The following CACNA1H variants were observed in gnomAD, a reference collection of about 807,000 sequenced individuals.
CACNA1H encodes the protein voltage-dependent T-type calcium channel subunit alpha-1H.
Under a neutral mutation model 192.5 loss-of-function variants are expected in CACNA1H, and 149 were observed. The ratio of observed to expected loss-of-function variants is 0.77; its 90% CI spans 0.68 to 0.89. CACNA1H has a LOEUF of 0.89. Ranked by LOEUF, CACNA1H falls within the 40% of genes least tolerant of loss-of-function variation. The pLI is 0.00. For synonymous variants in CACNA1H, 2,202 were observed against 1,475.2 expected (o/e 1.49, Z -11.29); for missense variants, 4,257 against 3,423.5 (o/e 1.24, Z -6.08).
intron 2 of CACNA1H, among the ~76,000 whole-genome samples, chr16:1,154,907 C>T (rs1314533866): frequency 1.3e-5 from 2 of 152,148 alleles, no homozygotes; most frequent in Admixed American, 6.5e-5. Flanking sequence ...TGCGTGGTGC[C>T]TGTGTCAGGG....
chr16:1,207,940 T>A lies in CACNA1H; in HGVS notation c.3155-73T>A, dbSNP rs2738896. 6.5e-6 allele frequency: 10 copies of A among 1,542,314 alleles called. No homozygotes were observed. The East Asian group carries it at 1.9e-4, about 30-fold the overall frequency. Reference sequence around the variant, plus strand: ...GCCGGGCAGGGCCCCCATAAGGCAATCCCTAGGTTGGGGGATTCCTGGTCC... The same window carrying A: ...GCCGGGCAGGGCCCCCATAAGGCAAACCCTAGGTTGGGGGATTCCTGGTCC... On this transcript the variant is annotated intron_variant, in intron 15 of 34. Coordinates refer to ENST00000348261, the MANE Select transcript of CACNA1H (RefSeq NM_021098.3).
chr16:1,215,674 C>T, intron 30 of CACNA1H, 81 bp downstream of exon 30: 3 of 1,122,096 alleles, frequency 2.7e-6, no homozygotes, highest in East Asian at 2.5e-5. Flanking sequence ...CCCCTCTCCC[C>T]CTCACTCGTT....
intron 2 of CACNA1H, among the ~76,000 whole-genome samples, chr16:1,158,994 T>A (rs1010514794): frequency 3.9e-5 from 6 of 152,184 alleles, no homozygotes; most frequent in Non-Finnish European, 8.8e-5. Context: ...GGATCCTTCA[T>A]CGCTGGGATC....
chr16:1,202,231 C>T lies in CACNA1H; in HGVS notation c.1781C>T (p.Ala594Val), dbSNP rs1290847155. The change falls in exon 9 of 35, where the codon GCC becomes GTC. Residue 594 changes from alanine (A) to valine (V), a missense_variant. Ala to Val is a moderately conservative substitution (Grantham distance 64, BLOSUM62 0). Transcript: ENST00000348261. ...CAGGAGAGGGCCCGGGTGGCACATG[C>T]CGCAGCCACTGCCGCTGCCAGCCTC... Reference protein sequence around the residue: ...GPQERARVAHAAATAAASLRL... With the variant: ...GPQERARVAHVAATAAASLRL... The T allele has an allele frequency of 3.2e-6, 5 of 1,557,062 alleles. No homozygotes were observed. Among genetic ancestry groups the T allele is most frequent in the Admixed American group, 1.9e-5 (1 of 51,830 alleles).
At chr16:1,199,864 C>T (rs984872560) in intron 6 of CACNA1H, among the ~76,000 whole-genome samples, 1 of 152,112 alleles carries the variant, frequency 6.6e-6, no homozygotes, top group Non-Finnish European at 1.5e-5. Context: ...TGCCCCTCAT[C>T]CGCTTCCAGG....
rs567978624 is a variant in CACNA1H at position 1,217,977 on chromosome 16, C to T, written c.5382C>T (p.Phe1794=). 1.4e-5 allele frequency: 23 copies of T among 1,605,128 alleles called. No individual in the cohort carries two copies. Among genetic ancestry groups the T allele is most frequent in the African/African-American group, 1.2e-4 (9 of 74,890 alleles). The part of the protein sequence containing the change: ...GLSRHATFSN[F]GMAFLTLFRV... ...GCAGGCACGCCACCTTCAGCAACTT[C>T]GGCATGGCCTTCCTCACGCTGTTCC... Residue 1794 remains phenylalanine (F), a synonymous_variant, in exon 32 of 35, where the codon TTC becomes TTT. Transcript: ENST00000348261.
At chr16:1,190,762 G>T (rs1442222476) in intron 2 of CACNA1H, among the ~76,000 whole-genome samples, 1 of 141,748 alleles carries the variant, frequency 7.1e-6, no homozygotes, top group African/African-American at 2.9e-5. Flanking sequence ...ATTTTGGGTG[G>T]GTGCTGGGGG....
Position 1,218,402 on chromosome 16 carries a change from A to G in CACNA1H, c.5638A>G (p.Ile1880Val), listed in dbSNP as rs369689966. The change falls in exon 33 of 35, where the codon ATC becomes GTC. Residue 1880 changes from isoleucine (I) to valine (V), a missense_variant. Coordinates refer to ENST00000348261, the MANE Select transcript of CACNA1H (RefSeq NM_021098.3). ...GGAGGATGCGGAGCTGGACGCCGAG[A>G]TCGAGCTGGAGATGGCGCAGGGCCC... ...AREDAELDAE[I>V]ELEMAQGPGS... 1.3e-6 allele frequency: 2 copies of G among 1,557,142 alleles called. No homozygotes were observed. Among genetic ancestry groups the G allele is most frequent in the African/African-American group, 1.4e-5 (1 of 73,404 alleles).
At position 1,220,759 on chromosome 16, in the gene CACNA1H, C is replaced by T; in HGVS notation, c.6827C>T (p.Pro2276Leu). The stretch of plus-strand genomic sequence containing the variant: ...TTTGAGCCGCTGGACCTCGGGGTCC[C>T]CAGTGGAGACCCTTTCTTGGACGGT... Reference protein sequence around the residue: ...FAFEPLDLGVPSGDPFLDGSH... With the variant: ...FAFEPLDLGVLSGDPFLDGSH... The change falls in exon 35 of 35, where the codon CCC (proline) becomes CTC (leucine). Residue 2276 changes from proline (P) to leucine (L), a missense_variant. Transcript: ENST00000348261. 1 of 1,612,590 alleles carries T rather than the reference C, an allele frequency of 6.2e-7. No individual in the cohort carries two copies. Among genetic ancestry groups the T allele is most frequent in the Non-Finnish European group, 8.5e-7 (1 of 1,179,770 alleles).
intron 30 of CACNA1H, 21 bp from the exon 31 acceptor site, chr16:1,216,911 C>T (rs375603104): frequency 4.2e-5 from 66 of 1,589,036 alleles, no homozygotes; most frequent in Non-Finnish European, 5.6e-5. Context: ...TCTGACCCAG[C>T]TCTGCTTCTC....
In CACNA1H at chr16:1,220,390, A is replaced by T. The variant is rs1970387623; in HGVS notation, c.6458A>T (p.Gln2153Leu). ...FLDKPGRADE[Q>L]WRPSAELGSG... The stretch of plus-strand genomic sequence containing the variant: ...GACAAGCCGGGCCGGGCAGACGAGC[A>T]GTGGCGGCCCTCGGCGGAGCTGGGC... The change falls in exon 35 of 35, where the codon CAG (glutamine) becomes CTG (leucine). Residue 2153 changes from glutamine to leucine, a missense_variant. Coordinates refer to ENST00000348261, the MANE Select transcript of CACNA1H (RefSeq NM_021098.3). 1 of 1,523,910 alleles carries T rather than the reference A, an allele frequency of 6.6e-7. No homozygotes were observed. Among genetic ancestry groups the T allele is most frequent in the East Asian group, 2.3e-5 (1 of 42,564 alleles). 94.4% of individuals were successfully genotyped at this position (1,523,910 alleles called of 1,614,324 possible). A position where few individuals can be genotyped will look rare whatever the true frequency, so the allele number is the denominator to read the frequency against.
At chr16:1,200,179 G>T in intron 6 of CACNA1H, 77 bp from the exon 7 acceptor site, 2 of 1,229,778 alleles carry the variant, frequency 1.6e-6, no homozygotes, top group South Asian at 2.8e-5. Context: ...TCACGTCCCT[G>T]ATCACAATCG....
intron 2 of CACNA1H, among the ~76,000 whole-genome samples, chr16:1,181,564 G>C (rs1012061581): frequency 6.6e-6 from 1 of 152,242 alleles, no homozygotes; most frequent in Non-Finnish European, 1.5e-5. Context: ...CTGGGATCAG[G>C]CACTTTTCCA....
chr16:1,200,200 T>C, intron 6 of CACNA1H, 56 bp from the exon 7 acceptor site: 1 of 1,444,756 alleles, frequency 6.9e-7, no homozygotes, highest in Non-Finnish European at 9.4e-7. Context: ...TGCCCCCGAC[T>C]CTGACCGTCC....
intron 17 of CACNA1H, 81 bp from the exon 18 acceptor site, chr16:1,209,954 G>A: frequency 9.6e-7 from 1 of 1,038,566 alleles, no homozygotes; most frequent in Non-Finnish European, 1.4e-6. Flanking sequence ...GGGAGGGGTG[G>A]CCGAGCTGAG....
rs375165169 is a variant in CACNA1H, at chr16:1,205,117, G to C, written c.2455G>C (p.Glu819Gln). The change falls in exon 11 of 35, where the codon GAG becomes CAG. Residue 819 changes from glutamate to glutamine, a missense_variant. By Grantham distance (29) the Glu-to-Gln change is conservative. Transcript: ENST00000348261. ...SMGVEYHEQP[E>Q]ELTNALEISN... ...CTGTCCCCACCTCTGCCTGCAGCCCGAGGAGCTGACTAATGCTCTGGAGAT... is the reference window on the plus strand; with the variant it reads ...CTGTCCCCACCTCTGCCTGCAGCCCCAGGAGCTGACTAATGCTCTGGAGAT... 1.2e-6 allele frequency: 2 copies of C among 1,611,202 alleles called. No individual in the cohort carries two copies. The highest frequency in any genetic ancestry group is 2.2e-5 in the South Asian group (2 of 90,976).
Position 1,215,273 on chromosome 16 carries a change from C to G in CACNA1H, c.5071C>G (p.Leu1691Val), listed in dbSNP as rs752755463. Residue 1691 changes from leucine (L) to valine (V), a missense_variant, in exon 29 of 35, where the codon CTG becomes GTG. Coordinates refer to ENST00000348261, the MANE Select transcript of CACNA1H (RefSeq NM_021098.3). ...WNQLDLAIVL[L>V]SLMGITLEEI... Reference sequence around the variant, plus strand: ...CCAGCTGGACCTGGCCATCGTGCTGCTGTCACTCATGGGCATCACGCTGGA... The same window carrying G: ...CCAGCTGGACCTGGCCATCGTGCTGGTGTCACTCATGGGCATCACGCTGGA... 6.2e-7 allele frequency: 1 copy of G among 1,607,226 alleles called. No homozygotes were observed. The highest frequency in any genetic ancestry group is 1.1e-5 in the South Asian group (1 of 89,742).
intron 2 of CACNA1H, among the ~76,000 whole-genome samples, chr16:1,155,838 C>G (rs1962288447): frequency 6.6e-6 from 1 of 152,132 alleles, no homozygotes; most frequent in Non-Finnish European, 1.5e-5. Context: ...GATGAGCTCT[C>G]CAGGGGGAGA....
At chr16:1,200,694 A>T in intron 7 of CACNA1H, 22 bp from the exon 8 acceptor site, 1 of 1,566,300 alleles carries the variant, frequency 6.4e-7, no homozygotes, top group South Asian at 1.2e-5. Flanking sequence ...TGCGGGCCCA[A>T]GTCAAGCCAC....
Sources: allele counts gnomAD v4.1 joint callset (sites outside exome capture counted in the v4.1 genomes callset), GRCh38; gene constraint gnomAD v4.1.1; transcripts MANE v1.5; gene names NCBI Gene and HGNC (gene_info 2026-07-23, HGNC 2026-07-21).